The following MPDZ variants were observed in gnomAD, a reference collection of about 807,000 sequenced individuals.
MPDZ encodes multiple PDZ domain crumbs cell polarity complex component.
In MPDZ, 234 loss-of-function variants were observed where a neutral mutation model predicts 239.1. That is an observed-to-expected ratio of 0.98 (90% CI 0.88 to 1.09). The LOEUF (loss-of-function observed/expected upper bound fraction) is 1.09, where lower values mean the gene tolerates loss of function less well. Among genes scored for constraint, MPDZ ranks in the 50% least tolerant of loss-of-function variants. The pLI, the probability that MPDZ is intolerant of heterozygous loss-of-function variation, is 0.00. For missense variants in MPDZ, 3,175 were observed against 2,510.0 expected (o/e 1.26, Z -5.66); for synonymous variants, 1,048 against 881.3 (o/e 1.19, Z -3.35).
intron 46 of MPDZ, 136 bp downstream of exon 46, chr9:13,108,800 G>C (rs1252322083): frequency 8.7e-6 from 7 of 803,934 alleles, no homozygotes; most frequent in Admixed American, 3.6e-5. Context: ...ACCTGTTCCT[G>C]TAGGGAGTTT....
chr9:13,137,842 T>G, intron 29 of MPDZ, 115 bp downstream of exon 29: 1 of 1,090,804 alleles, frequency 9.2e-7, no homozygotes. Flanking sequence ...TCTATTTTAT[T>G]AAGCAAGCAA....
intron 26 of MPDZ, among the ~76,000 whole-genome samples, chr9:13,146,099 G>C (rs1948397761): frequency 6.6e-6 from 1 of 151,992 alleles, no homozygotes; most frequent in South Asian, 2.1e-4. Context: ...GCATGATGCA[G>C]CCCTACCATT....
chr9:13,164,771 T>C (rs552491138), intron 22 of MPDZ, among the ~76,000 whole-genome samples: 1 of 152,264 alleles, frequency 6.6e-6, no homozygotes, highest in South Asian at 2.1e-4. Context: ...CCTAACTATT[T>C]AGCCACTACA....
At chr9:13,140,382 T>TTATATATA (rs1256354544) in intron 27 of MPDZ, among the ~76,000 whole-genome samples, 14 of 144,102 alleles carry the variant, frequency 9.7e-5, no homozygotes, top group African/African-American at 3.4e-4. Context: ...GTTAAATATT[T>TTATATATA]TATATATATA....
intron 8 of MPDZ, among the ~76,000 whole-genome samples, chr9:13,217,884 T>A (rs1299163753): frequency 2.0e-5 from 3 of 151,858 alleles, no homozygotes; most frequent in Admixed American, 2.0e-4. Flanking sequence ...AAAGTGGGTT[T>A]CTCAGATGCC....
intron 4 of MPDZ, 31 bp from the exon 5 acceptor site, chr9:13,223,741 T>C (rs1025691172): frequency 2.5e-5 from 39 of 1,550,058 alleles, no homozygotes; most frequent in Non-Finnish European, 3.3e-5. Context: ...GAAATAAAAC[T>C]AAAAGCCAGG....
intron 9 of MPDZ, 146 bp downstream of exon 9, chr9:13,217,034 G>A (rs1012054715): frequency 1.3e-6 from 1 of 773,184 alleles, no homozygotes; most frequent in African/African-American, 1.8e-5. Flanking sequence ...CAATATAAGA[G>A]TCACCTACAC....
chr9:13,119,493 A>C lies in MPDZ; in HGVS notation c.5379+9T>G, dbSNP rs1390731087. ...GCTATTACACAGAATTATTTTTTGC[A>C]TTTTTTACCTTTAGCAAAGCGGCAA... On this transcript the variant is annotated intron_variant, in intron 39 of 46. Coordinates refer to ENST00000319217, the MANE Select transcript of MPDZ (RefSeq NM_001378778.1). 1 of 1,599,636 alleles carries C rather than the reference A, an allele frequency of 6.3e-7. No homozygotes were observed. Among genetic ancestry groups the C allele is most frequent in the African/African-American group, 1.4e-5 (1 of 73,806 alleles).
At chr9:13,231,529 C>A (rs1000069544) in intron 3 of MPDZ, among the ~76,000 whole-genome samples, 1 of 151,924 alleles carries the variant, frequency 6.6e-6, no homozygotes, top group South Asian at 2.1e-4. Context: ...GTACTCCAGC[C>A]TGGGTGACAA....
At chr9:13,129,332 G>A (rs1408626777) in intron 32 of MPDZ, among the ~76,000 whole-genome samples, 2 of 151,786 alleles carry the variant, frequency 1.3e-5, no homozygotes, top group South Asian at 2.1e-4. Context: ...GCATGGTGGT[G>A]CACACCTGTA....
chr9:13,213,827 G>C (rs1044319036), intron 10 of MPDZ, among the ~76,000 whole-genome samples: 9 of 151,974 alleles, frequency 5.9e-5, no homozygotes, highest in African/African-American at 2.2e-4. Flanking sequence ...GACAAATTTA[G>C]GGGGAAGTTA....
intron 43 of MPDZ, among the ~76,000 whole-genome samples, chr9:13,111,335 T>C (rs112469730): frequency 0.013 from 2,028 of 152,334 alleles, 22 homozygotes; most frequent in Non-Finnish European, 0.021. Context: ...AGGTTTTAAG[T>C]GTCAGCCATA....
In MPDZ at chr9:13,168,482, G is replaced by A; in HGVS notation, c.3138C>T (p.Gly1046=). The change falls in exon 22 of 47, where the codon GGC becomes GGT. Residue 1046 remains glycine (G), a synonymous_variant. Coordinates refer to ENST00000319217, the MANE Select transcript of MPDZ (RefSeq NM_001378778.1). ...AGATGCAGTCCCCAATGGCAATCCG[G>A]CCATCTCGACTAATGGCACCTCCAT... The part of the protein sequence containing the change: ...IIHGGAISRD[G]RIAIGDCILS... 1 of 1,613,330 alleles carries A rather than the reference G, an allele frequency of 6.2e-7. No individual in the cohort carries two copies. Among genetic ancestry groups the A allele is most frequent in the Non-Finnish European group, 8.5e-7 (1 of 1,179,534 alleles).
chr9:13,217,335 AAAAAAAC>A (rs752672043), intron 8 of MPDZ, 41 bp from the exon 9 acceptor site: 78 of 1,284,288 alleles, frequency 6.1e-5, no homozygotes, highest in Admixed American at 3.2e-4. Flanking sequence ...ATAATACGTA[AAAAAAAC>A]AAAAAACAAA....
At chr9:13,249,139 A>C (rs1209516570) in intron 2 of MPDZ, among the ~76,000 whole-genome samples, 4 of 131,882 alleles carry the variant, frequency 3.0e-5, no homozygotes, top group Non-Finnish European at 7.0e-5. Flanking sequence ...CACACACACA[A>C]ACTTAAACAA....
At chr9:13,209,973 A>AG (rs1474971810) in intron 10 of MPDZ, among the ~76,000 whole-genome samples, 1 of 151,552 alleles carries the variant, frequency 6.6e-6, no homozygotes, top group African/African-American at 2.4e-5. Flanking sequence ...ATGATAAATG[A>AG]GGGGGAAAAA....
At chr9:13,267,483 TATG>T (rs1972042856) in intron 1 of MPDZ, among the ~76,000 whole-genome samples, 1 of 152,224 alleles carries the variant, frequency 6.6e-6, no homozygotes, top group Admixed American at 6.5e-5. Flanking sequence ...TACAGAGCTT[TATG>T]ATATCTTCTT....
chr9:13,110,089 G>C lies in MPDZ; in HGVS notation c.5830-25C>G, dbSNP rs764240114. 14 of 1,550,494 alleles carry C rather than the reference G, an allele frequency of 9.0e-6. No homozygotes were observed. The East Asian group carries it at 3.2e-4, about 35-fold the overall frequency. On this transcript the variant is annotated intron_variant, in intron 44 of 46. Transcript: ENST00000319217. ...CCTGCGCACAGGAGGAGGATAAACA[G>C]AAAAAACACATGTTCCTGTGGCTAG...
At chr9:13,263,741 A>T (rs957678931) in intron 1 of MPDZ, among the ~76,000 whole-genome samples, 1 of 152,182 alleles carries the variant, frequency 6.6e-6, no homozygotes, top group Admixed American at 6.5e-5. Flanking sequence ...GTGATGAACA[A>T]CTATTGCTGT....
Sources: gnomAD v4.1 joint callset for allele counts (sites outside exome capture counted in the v4.1 genomes callset) on GRCh38, gnomAD v4.1.1 for gene constraint, MANE v1.5 for transcripts, NCBI Gene and HGNC (gene_info 2026-07-23, HGNC 2026-07-21) for gene names.